ABCE1: variants seen among roughly 807,000 people sequenced by gnomAD.
The protein encoded by ABCE1 is ATP-binding cassette sub-family E member 1.
A neutral mutation model predicts 83.4 loss-of-function variants in ABCE1; 22 were observed. That is an observed-to-expected ratio of 0.26 (90% CI 0.19 to 0.38). The LOEUF (loss-of-function observed/expected upper bound fraction) is 0.38, where lower values mean the gene tolerates loss of function less well. Among genes scored for constraint, ABCE1 ranks in the 10% least tolerant of loss-of-function variants. The pLI, the probability that ABCE1 is intolerant of heterozygous loss-of-function variation, is 1.00. For missense variants in ABCE1, 330 were observed against 721.9 expected, an observed-to-expected ratio of 0.46 and a Z score of 6.22; for synonymous variants, 204 against 233.7, an observed-to-expected ratio of 0.87 and a Z score of 1.16.
intron 1 of ABCE1, among the ~76,000 whole-genome samples, chr4:145,103,129 GA>G (rs939023285): frequency 6.6e-6 from 1 of 152,160 alleles, no homozygotes; most frequent in Admixed American, 6.5e-5. Flanking sequence ...AGGGAGGAGG[GA>G]GAGATAATAG....
At chr4:145,123,729 T>TCA in intron 16 of ABCE1, 129 bp downstream of exon 16, 3 of 922,594 alleles carry the variant, frequency 3.3e-6, no homozygotes, top group Non-Finnish European at 4.8e-6. Context: ...ACTCCTGAGA[T>TCA]CATTGGTATT....
chr4:145,120,318 G>A (rs189930178), intron 11 of ABCE1, among the ~76,000 whole-genome samples, 165 bp downstream of exon 11: 6 of 152,114 alleles, frequency 3.9e-5, no homozygotes, highest in African/African-American at 1.4e-4. Context: ...TTGGCATTGT[G>A]TAATTCAATT....
intron 10 of ABCE1, among the ~76,000 whole-genome samples, chr4:145,118,491 G>C (rs999466850): frequency 5.9e-5 from 9 of 151,632 alleles, no homozygotes; most frequent in African/African-American, 2.2e-4. Context: ...TTTCTTGCCA[G>C]TAGTCTTAAG....
At position 145,112,287 on chromosome 4, in the gene ABCE1, A is replaced by G; in HGVS notation, c.759A>G (p.Leu253=). The change falls in exon 9 of 18, where the codon TTA becomes TTG. Residue 253 remains leucine, a synonymous_variant. Transcript: ENST00000296577. ...PSSYLDVKQR[L]KAAITIRSLI... ...GTTACCTAGATGTCAAGCAGCGTTT[A>G]AAGGCTGCTATTACTATACGATCTC... 1.3e-6 allele frequency: 2 copies of G among 1,596,104 alleles called. No homozygotes were observed. The highest frequency in any genetic ancestry group is 1.7e-6 in the Non-Finnish European group (2 of 1,173,852).
intron 9 of ABCE1, among the ~76,000 whole-genome samples, chr4:145,114,286 A>G (rs1749555824): frequency 1.3e-5 from 2 of 152,146 alleles, no homozygotes; most frequent in Non-Finnish European, 2.9e-5. Flanking sequence ...CACTGTGGTA[A>G]AGAAAAGCAT....
intron 3 of ABCE1, among the ~76,000 whole-genome samples, chr4:145,106,353 G>C (rs1287165448): frequency 6.6e-6 from 1 of 151,954 alleles, no homozygotes; most frequent in Non-Finnish European, 1.5e-5. Flanking sequence ...ATTGGTTTCT[G>C]AATCCTTGTT....
chr4:145,109,032 G>A, intron 4 of ABCE1, 100 bp from the exon 5 acceptor site: 1 of 804,614 alleles, frequency 1.2e-6, no homozygotes, highest in South Asian at 1.7e-5. Context: ...TTAATGGATG[G>A]TTGTGAAGTG....
In ABCE1 at chr4:145,128,955, AC is replaced by A. The variant is rs1277210694; in HGVS notation, c.*1385del. On this transcript the variant is annotated 3_prime_UTR_variant, in exon 18 of 18. Transcript: ENST00000296577. ...AATAAAAAAATGATCTCCCTTTATT[AC>A]CCTCCCAAAGGTTACCAGCGTTTGA... 1 of 152,090 alleles carries A rather than the reference AC, an allele frequency of 6.6e-6. No homozygotes were observed. Among genetic ancestry groups the A allele is most frequent in the African/African-American group, 2.4e-5 (1 of 41,410 alleles). The allele number at this position is 152,090 out of a possible 1,614,324, so 9.4% of individuals were successfully genotyped here.
chr4:145,115,420 G>C (rs1486704832), intron 9 of ABCE1, among the ~76,000 whole-genome samples: 1 of 151,920 alleles, frequency 6.6e-6, no homozygotes, highest in Non-Finnish European at 1.5e-5. Flanking sequence ...AGTATCACCA[G>C]CTCACCTGGG....
intron 9 of ABCE1, among the ~76,000 whole-genome samples, chr4:145,112,634 TCA>T (rs950647754): frequency 3.3e-5 from 5 of 152,280 alleles, no homozygotes; most frequent in African/African-American, 1.2e-4. Context: ...TCTCTCATTT[TCA>T]CACACACAAC....
intron 10 of ABCE1, among the ~76,000 whole-genome samples, chr4:145,118,668 G>A (rs1749666869): frequency 6.6e-6 from 1 of 151,794 alleles, no homozygotes; most frequent in South Asian, 2.1e-4. Flanking sequence ...ATGTCTAAAG[G>A]CTGTGCCATT....
At chr4:145,106,618 G>A (rs914863510) in intron 3 of ABCE1, among the ~76,000 whole-genome samples, 2 of 152,012 alleles carry the variant, frequency 1.3e-5, no homozygotes, top group Non-Finnish European at 2.9e-5. Flanking sequence ...TACTAATGAG[G>A]TGGTCCTCTT....
chr4:145,115,940 A>G (rs1049519678), intron 9 of ABCE1, among the ~76,000 whole-genome samples: 11 of 151,958 alleles, frequency 7.2e-5, no homozygotes, highest in African/African-American at 2.7e-4. Flanking sequence ...TGGGGTAATC[A>G]AAAATAATAA....
intron 9 of ABCE1, 21 bp from the exon 10 acceptor site, chr4:145,117,271 TA>T: frequency 6.3e-7 from 1 of 1,584,758 alleles, no homozygotes; most frequent in African/African-American, 1.4e-5. Flanking sequence ...GAGTTTTAAC[TA>T]AAATCTGGTT....
intron 3 of ABCE1, among the ~76,000 whole-genome samples, chr4:145,106,933 T>C (rs1004672260): frequency 6.6e-6 from 1 of 152,182 alleles, no homozygotes; most frequent in Non-Finnish European, 1.5e-5. Context: ...CTGGAATCTC[T>C]AAACACGGAA....
At chr4:145,104,939 G>A (rs915879364) in intron 2 of ABCE1, among the ~76,000 whole-genome samples, 3 of 151,870 alleles carry the variant, frequency 2.0e-5, no homozygotes, top group African/African-American at 7.3e-5. Context: ...CTATTCATAA[G>A]GTTTAACTAT....
At chr4:145,113,300 A>G (rs534487931) in intron 9 of ABCE1, among the ~76,000 whole-genome samples, 2 of 152,348 alleles carry the variant, frequency 1.3e-5, no homozygotes, top group Admixed American at 6.5e-5. Context: ...GCAAATATCT[A>G]TCATTCACTG....
intron 17 of ABCE1, 83 bp from the exon 18 acceptor site, chr4:145,127,443 A>C: frequency 1.6e-6 from 2 of 1,223,738 alleles, no homozygotes; most frequent in East Asian, 2.4e-5. Flanking sequence ...AAGCACAGCT[A>C]AGTAATACCA....
At chr4:145,110,580 A>C (rs1274117942) in intron 7 of ABCE1, 136 bp downstream of exon 7, 2 of 804,678 alleles carry the variant, frequency 2.5e-6, no homozygotes, top group Non-Finnish European at 2.0e-6. Flanking sequence ...GGTTCAAGCG[A>C]TACTCCTGCC....
Sources: allele counts gnomAD v4.1 joint callset (sites outside exome capture counted in the v4.1 genomes callset), GRCh38; gene constraint gnomAD v4.1.1; transcripts MANE v1.5; gene names NCBI Gene and HGNC (gene_info 2026-07-23, HGNC 2026-07-21).